The following COX10 variants were observed in gnomAD, a reference collection of about 807,000 sequenced individuals.
COX10 encodes the protein cytochrome c oxidase assembly factor heme A:farnesyltransferase COX10.
Under a neutral mutation model 37.3 loss-of-function variants are expected in COX10, and 27 were observed. The ratio of observed to expected loss-of-function variants is 0.72; its 90% confidence interval spans 0.53 to 1.00. The LOEUF is 1.00. COX10 is among the 50% of genes least tolerant of loss of function. The pLI, the probability that COX10 is intolerant of heterozygous loss-of-function variation, is 0.00. For synonymous variants in COX10, 222 were observed against 229.1 expected (o/e 0.97, Z 0.28); for missense variants, 475 against 563.2 (o/e 0.84, Z 1.59).
intron 1 of COX10, among the ~76,000 whole-genome samples, chr17:14,073,696 C>T (rs190727335): frequency 2.2e-4 from 33 of 152,224 alleles, no homozygotes; most frequent in Admixed American, 6.5e-4. Context: ...TGGAAGCCTT[C>T]GGGAGAATCT....
intron 4 of COX10, among the ~76,000 whole-genome samples, chr17:14,126,972 C>T (rs1052031475): frequency 9.0e-6 from 1 of 110,598 alleles, no homozygotes; most frequent in Non-Finnish European, 2.0e-5. Flanking sequence ...TAGATAGTGA[C>T]TCGAATTCAT....
chr17:14,105,089 CA>C (rs1915862511), intron 4 of COX10, among the ~76,000 whole-genome samples: 2 of 151,952 alleles, frequency 1.3e-5, no homozygotes, highest in Admixed American at 6.6e-5. Context: ...TAAGAATTAT[CA>C]AAAAACTATA....
At chr17:14,100,502 G>C (rs551887513) in intron 3 of COX10, among the ~76,000 whole-genome samples, 2 of 152,250 alleles carry the variant, frequency 1.3e-5, no homozygotes, top group East Asian at 3.9e-4. Flanking sequence ...TTAACAAGTA[G>C]TATTTCCAAT....
In COX10 at chr17:14,207,282, A is replaced by G; in HGVS notation, c.*69A>G. 6.9e-7 allele frequency: 1 copy of G among 1,459,016 alleles called. No individual in the cohort carries two copies. The highest frequency in any genetic ancestry group is 1.4e-5 in the South Asian group (1 of 71,748). The allele number at this position is 1,459,016 out of a possible 1,614,324, so 90.4% of individuals were successfully genotyped here. ...GAGCATGTTGTGGTAATTCTGGAACACAAGAAGAGAAATTGCTGGGTTTAG... is the reference window on the plus strand; with the variant it reads ...GAGCATGTTGTGGTAATTCTGGAACGCAAGAAGAGAAATTGCTGGGTTTAG... On this transcript the variant is annotated 3_prime_UTR_variant, in exon 7 of 7. Coordinates refer to ENST00000261643, the MANE Select transcript of COX10 (RefSeq NM_001303.4).
intron 4 of COX10, among the ~76,000 whole-genome samples, chr17:14,119,774 G>C (rs1916191464): frequency 1.3e-5 from 2 of 152,152 alleles, no homozygotes; most frequent in African/African-American, 4.8e-5. Flanking sequence ...AGAAAGGAGA[G>C]TGTTGAGTGA....
chr17:14,095,987 C>T (rs2142195814), intron 3 of COX10, among the ~76,000 whole-genome samples: 1 of 152,236 alleles, frequency 6.6e-6, no homozygotes, highest in Non-Finnish European at 1.5e-5. Flanking sequence ...TTATTTCTTA[C>T]AGTTATGGAG....
At chr17:14,132,896 G>A (rs561381444) in intron 4 of COX10, among the ~76,000 whole-genome samples, 6 of 151,552 alleles carry the variant, frequency 4.0e-5, no homozygotes, top group Non-Finnish European at 7.4e-5. Flanking sequence ...TAATAATGTT[G>A]AAAGAGCTAT....
At chr17:14,123,339 G>C (rs1377245439) in intron 4 of COX10, among the ~76,000 whole-genome samples, 5 of 152,138 alleles carry the variant, frequency 3.3e-5, no homozygotes, top group Non-Finnish European at 7.3e-5. Flanking sequence ...ATCTATCATA[G>C]TGAATCTGAA....
At chr17:14,193,115 G>A (rs1051235576) in intron 6 of COX10, among the ~76,000 whole-genome samples, 26 of 152,156 alleles carry the variant, frequency 1.7e-4, no homozygotes, top group African/African-American at 2.7e-4. Flanking sequence ...ATTCTAAAAC[G>A]TATGTGCTTG....
At chr17:14,173,783 T>C (rs1905560585) in intron 5 of COX10, among the ~76,000 whole-genome samples, 1 of 146,450 alleles carries the variant, frequency 6.8e-6, no homozygotes, top group Non-Finnish European at 1.5e-5. Context: ...ACAATGTCAT[T>C]GTTTACATGG....
At chr17:14,081,633 C>T (rs974431724) in intron 3 of COX10, among the ~76,000 whole-genome samples, 9 of 152,138 alleles carry the variant, frequency 5.9e-5, no homozygotes, top group Non-Finnish European at 7.4e-5. Context: ...ATAATCTCAC[C>T]GGCCTCAGTT....
At chr17:14,137,950 GTTT>G (rs55924353) in intron 4 of COX10, among the ~76,000 whole-genome samples, 32,163 of 134,258 alleles carry the variant, frequency 0.24, 4,462 homozygotes, top group Admixed American at 0.32. Flanking sequence ...ACACAATTCA[GTTT>G]TTTTTTTTTT....
intron 2 of COX10, 75 bp from the exon 3 acceptor site, chr17:14,076,660 T>G: frequency 7.3e-7 from 1 of 1,367,504 alleles, no homozygotes; most frequent in Non-Finnish European, 1.0e-6. Context: ...CTGGTCTGAT[T>G]GAAGATGTTG....
At chr17:14,091,810 A>G (rs1378805940) in intron 3 of COX10, among the ~76,000 whole-genome samples, 1 of 152,166 alleles carries the variant, frequency 6.6e-6, no homozygotes, top group Non-Finnish European at 1.5e-5. Flanking sequence ...ATCTTGTACA[A>G]TATCTGCTCT....
At chr17:14,199,101 A>T (rs1384085638) in intron 6 of COX10, among the ~76,000 whole-genome samples, 1 of 151,854 alleles carries the variant, frequency 6.6e-6, no homozygotes, top group Non-Finnish European at 1.5e-5. Context: ...GAAAGAACGT[A>T]CTAGAAATTA....
At chr17:14,194,307 C>T (rs903727627) in intron 6 of COX10, among the ~76,000 whole-genome samples, 5 of 152,160 alleles carry the variant, frequency 3.3e-5, no homozygotes, top group African/African-American at 4.8e-5. Flanking sequence ...GTTGCCTCCC[C>T]GGAGGCTAGA....
chr17:14,198,262 G>A (rs1281219134), intron 6 of COX10, among the ~76,000 whole-genome samples: 2 of 152,148 alleles, frequency 1.3e-5, no homozygotes, highest in Non-Finnish European at 2.9e-5. Context: ...AGCTGCAAGC[G>A]GGCCTGGAGC....
chr17:14,114,713 TTAGA>T (rs1916074017), intron 4 of COX10, among the ~76,000 whole-genome samples: 1 of 152,140 alleles, frequency 6.6e-6, no homozygotes, highest in African/African-American at 2.4e-5. Flanking sequence ...CTCTTAGTTG[TTAGA>T]TAGAAAACAC....
At chr17:14,089,514 T>C (rs776749631) in intron 3 of COX10, among the ~76,000 whole-genome samples, 1 of 152,160 alleles carries the variant, frequency 6.6e-6, no homozygotes, top group Non-Finnish European at 1.5e-5. Flanking sequence ...GTGTAGGTGG[T>C]TGATGGAACT....
Sources: gnomAD v4.1 joint callset for allele counts (sites outside exome capture counted in the v4.1 genomes callset) on GRCh38, gnomAD v4.1.1 for gene constraint, MANE v1.5 for transcripts, NCBI Gene and HGNC (gene_info 2026-07-23, HGNC 2026-07-21) for gene names.